The following PIP4K2A variants were observed in gnomAD, a reference collection of about 807,000 sequenced individuals.
The protein encoded by PIP4K2A is phosphatidylinositol-5-phosphate 4-kinase type 2 alpha.
A neutral mutation model predicts 42.9 loss-of-function variants in PIP4K2A; 14 were observed. The ratio of observed to expected loss-of-function variants is 0.33; its 90% confidence interval spans 0.22 to 0.51. The LOEUF (loss-of-function observed/expected upper bound fraction) is 0.51. Ranked by LOEUF, PIP4K2A falls within the 20% of genes least tolerant of loss-of-function variation. The pLI is 0.97. For missense variants in PIP4K2A, 434 were observed against 519.8 expected, an observed-to-expected ratio of 0.83 and a Z score of 1.61; for synonymous variants, 192 against 192.2, an observed-to-expected ratio of 1.00 and a Z score of 0.01.
intron 1 of PIP4K2A, among the ~76,000 whole-genome samples, chr10:22,621,480 G>A (rs1838330033): frequency 6.6e-6 from 1 of 152,200 alleles, no homozygotes; most frequent in African/African-American, 2.4e-5. Context: ...GGATAAGGAT[G>A]TTCTAAAACT....
At chr10:22,614,648 G>A (rs374339061) in intron 1 of PIP4K2A, among the ~76,000 whole-genome samples, 1 of 152,166 alleles carries the variant, frequency 6.6e-6, no homozygotes, top group African/African-American at 2.4e-5. Context: ...GTGTACCCAT[G>A]AGCCTCTATA....
At chr10:22,673,692 A>G (rs886088195) in intron 1 of PIP4K2A, among the ~76,000 whole-genome samples, 11 of 152,226 alleles carry the variant, frequency 7.2e-5, no homozygotes, top group African/African-American at 2.7e-4. Flanking sequence ...ATTGTGGACT[A>G]TTACATAATA....
intron 1 of PIP4K2A, among the ~76,000 whole-genome samples, chr10:22,648,393 A>C (rs1029146047): frequency 1.3e-5 from 2 of 152,352 alleles, no homozygotes; most frequent in South Asian, 4.1e-4. Context: ...TACAGTATCA[A>C]AGAAGAGGAA....
At chr10:22,657,349 G>A (rs1325942208) in intron 1 of PIP4K2A, among the ~76,000 whole-genome samples, 1 of 152,158 alleles carries the variant, frequency 6.6e-6, no homozygotes, top group Non-Finnish European at 1.5e-5. Context: ...TGACGTTTAG[G>A]AACAAAGCAC....
At chr10:22,638,252 C>T (rs1466542784) in intron 1 of PIP4K2A, among the ~76,000 whole-genome samples, 1 of 152,084 alleles carries the variant, frequency 6.6e-6, no homozygotes, top group African/African-American at 2.4e-5. Context: ...GATTAAAATA[C>T]CCCATATAAA....
chr10:22,680,596 T>A (rs913998453), intron 1 of PIP4K2A, among the ~76,000 whole-genome samples: 2 of 152,152 alleles, frequency 1.3e-5, no homozygotes, highest in African/African-American at 2.4e-5. Context: ...CCTTTTCAGT[T>A]AAGTAACACT....
intron 1 of PIP4K2A, among the ~76,000 whole-genome samples, chr10:22,653,564 C>T (rs1230157288): frequency 6.6e-6 from 1 of 152,184 alleles, no homozygotes; most frequent in East Asian, 1.9e-4. Context: ...GGAGGTAGGG[C>T]CCTGGTGCTT....
intron 7 of PIP4K2A, among the ~76,000 whole-genome samples, chr10:22,545,639 G>A (rs1416396115): frequency 6.6e-6 from 1 of 152,232 alleles, no homozygotes; most frequent in Non-Finnish European, 1.5e-5. Context: ...TGCATCTCTA[G>A]GTAAGAAGCT....
At chr10:22,665,096 A>AAC (rs1056009947) in intron 1 of PIP4K2A, among the ~76,000 whole-genome samples, 4 of 152,156 alleles carry the variant, frequency 2.6e-5, no homozygotes, top group African/African-American at 7.2e-5. Flanking sequence ...TTCATATACA[A>AAC]ACACACACAC....
In PIP4K2A at chr10:22,536,731, A is replaced by AAC. The variant is rs1835936836; in HGVS notation, c.*469_*470insGT. ...TTCAACTCCAAAAAAAAAAAAAAAA[A>AAC]AAAAAAACTGATCCACAGTTTGTTG... On this transcript the variant is annotated 3_prime_UTR_variant, in exon 10 of 10. Transcript: ENST00000376573. The AAC allele has an allele frequency of 6.7e-6, 1 of 149,144 alleles. No homozygotes were observed. The highest frequency in any genetic ancestry group is 2.5e-5 in the African/African-American group (1 of 40,430). 9.2% of individuals were successfully genotyped at this position (149,144 alleles called of 1,614,324 possible). A position where few individuals can be genotyped will look rare whatever the true frequency, so the allele number is the denominator to read the frequency against.
intron 1 of PIP4K2A, among the ~76,000 whole-genome samples, chr10:22,640,923 A>G (rs898981088): frequency 3.3e-5 from 5 of 152,212 alleles, no homozygotes; most frequent in African/African-American, 1.2e-4. Flanking sequence ...AAAAAGTAAT[A>G]AACAGTTCTA....
At chr10:22,643,046 A>G (rs546646721) in intron 1 of PIP4K2A, among the ~76,000 whole-genome samples, 2 of 152,252 alleles carry the variant, frequency 1.3e-5, no homozygotes. Flanking sequence ...CTCCAGCACC[A>G]AGGAGGAGGA....
chr10:22,689,999 T>C (rs1438466169), intron 1 of PIP4K2A, among the ~76,000 whole-genome samples: 2 of 152,010 alleles, frequency 1.3e-5, no homozygotes, highest in African/African-American at 4.8e-5. Flanking sequence ...GAAAAAAAAA[T>C]CCTTATAACT....
chr10:22,662,070 C>A (rs774810433), intron 1 of PIP4K2A, among the ~76,000 whole-genome samples: 2 of 152,074 alleles, frequency 1.3e-5, no homozygotes, highest in African/African-American at 2.4e-5. Flanking sequence ...GAATGAATGA[C>A]AAGAAAACAA....
chr10:22,636,178 G>A (rs553374943), intron 1 of PIP4K2A, among the ~76,000 whole-genome samples: 4 of 152,214 alleles, frequency 2.6e-5, no homozygotes, highest in South Asian at 2.1e-4. Context: ...AACAGGAAAC[G>A]TTCTCTCCTG....
At chr10:22,560,854 G>C (rs529488905) in intron 6 of PIP4K2A, among the ~76,000 whole-genome samples, 1 of 152,332 alleles carries the variant, frequency 6.6e-6, no homozygotes, top group Non-Finnish European at 1.5e-5. Flanking sequence ...TCTCTCTCAA[G>C]AACATGGGCT....
chr10:22,629,441 G>A (rs1012748912), intron 1 of PIP4K2A, among the ~76,000 whole-genome samples: 1 of 152,060 alleles, frequency 6.6e-6, no homozygotes, highest in Non-Finnish European at 1.5e-5. Flanking sequence ...TTATTTCGAG[G>A]AAAGCAATCT....
chr10:22,619,073 A>G (rs1838252018), intron 1 of PIP4K2A, among the ~76,000 whole-genome samples: 1 of 120,028 alleles, frequency 8.3e-6, no homozygotes, highest in East Asian at 2.0e-4. Flanking sequence ...TTAATTTTGT[A>G]CTGGGGGAAA....
intron 4 of PIP4K2A, among the ~76,000 whole-genome samples, chr10:22,589,138 A>G (rs1203647327): frequency 6.6e-6 from 1 of 152,256 alleles, no homozygotes; most frequent in African/African-American, 2.4e-5. Context: ...TTTTATTAGC[A>G]TGGTATCATG....
Sources: allele counts gnomAD v4.1 joint callset (sites outside exome capture counted in the v4.1 genomes callset), GRCh38; gene constraint gnomAD v4.1.1; transcripts MANE v1.5; gene names NCBI Gene and HGNC (gene_info 2026-07-23, HGNC 2026-07-21).